SPIN1: variants seen among roughly 807,000 people sequenced by gnomAD.
The protein encoded by SPIN1 is spindlin-1.
SPIN1 carries 3 observed loss-of-function variants against 26.0 expected under a neutral mutation model. That is an observed-to-expected ratio of 0.12 (90% confidence interval 0.05 to 0.30). The LOEUF (loss-of-function observed/expected upper bound fraction) is 0.30. SPIN1 is among the 10% of genes least tolerant of loss of function. The pLI, the probability that SPIN1 is intolerant of heterozygous loss-of-function variation, is 1.00. For synonymous variants in SPIN1, 101 were observed against 116.5 expected (o/e 0.87, Z 0.86); for missense variants, 126 against 333.4 (o/e 0.38, Z 4.84).
rs940028468 is a variant in SPIN1, at chr9:88,426,953, A to G, written c.52+362A>G. 3.3e-5 allele frequency among the ~76,000 whole-genome samples: 5 copies of G among 152,298 alleles called. No homozygotes were observed. In the East Asian group the frequency reaches 9.6e-4, roughly 29 times the overall value. ...CTGAGAGCAACTTTTAGGAAGAAAG[A>G]TAAACTTGGAATTTCTTGTGTTTAC... On this transcript the variant is annotated intron_variant, in intron 2 of 5. Transcript: ENST00000375859.
intron 2 of SPIN1, among the ~76,000 whole-genome samples, chr9:88,432,773 C>T (rs1827908084): frequency 1.3e-5 from 2 of 152,228 alleles, no homozygotes; most frequent in Middle Eastern, 3.4e-3. Context: ...AGGCATGAGC[C>T]ACTGCGCCTG....
intron 1 of SPIN1, among the ~76,000 whole-genome samples, chr9:88,414,063 T>C (rs754280543): frequency 1.8e-4 from 27 of 151,644 alleles, no homozygotes; most frequent in Non-Finnish European, 3.4e-4. Flanking sequence ...GGACCAACCA[T>C]AAGAAGTGAC....
chr9:88,462,007 G>A (rs1828586969), intron 3 of SPIN1, among the ~76,000 whole-genome samples: 1 of 152,150 alleles, frequency 6.6e-6, no homozygotes, highest in Admixed American at 6.5e-5. Flanking sequence ...GCTTGTACAG[G>A]CAGAATTATT....
Position 88,477,519 on chromosome 9 carries a change from G to T in SPIN1, c.*2242G>T, listed in dbSNP as rs1360772863. On this transcript the variant is annotated 3_prime_UTR_variant, in exon 6 of 6. Coordinates refer to ENST00000375859, the MANE Select transcript of SPIN1 (RefSeq NM_006717.3). ...TCATTGTTCATTTATTGCCTTTAGG[G>T]CTGAGGGAAAGGGAAGGTTTGTTTT... 6.6e-6 allele frequency: 1 copy of T among 152,312 alleles called. No individual in the cohort carries two copies. Among genetic ancestry groups the T allele is most frequent in the African/African-American group, 2.4e-5 (1 of 41,416 alleles). 9.4% of individuals were successfully genotyped at this position (152,312 alleles called of 1,614,324 possible).
intron 1 of SPIN1, among the ~76,000 whole-genome samples, chr9:88,394,774 CCTTT>C (rs1827015735): frequency 6.9e-6 from 1 of 145,518 alleles, no homozygotes; most frequent in Non-Finnish European, 1.5e-5. Context: ...TGAAATTCTT[CCTTT>C]AAGAATTGCT....
intron 4 of SPIN1, among the ~76,000 whole-genome samples, chr9:88,466,688 A>G (rs1045981376): frequency 1.3e-5 from 2 of 152,232 alleles, no homozygotes; most frequent in African/African-American, 4.8e-5. Context: ...TGTAACAGAA[A>G]TAGAAGTTTG....
intron 2 of SPIN1, among the ~76,000 whole-genome samples, chr9:88,427,292 T>G (rs1490241442): frequency 1.3e-5 from 2 of 152,170 alleles, no homozygotes; most frequent in Non-Finnish European, 2.9e-5. Flanking sequence ...CTTAAGTGAT[T>G]TAGAACAATT....
chr9:88,428,333 C>A (rs1326719513), intron 2 of SPIN1, among the ~76,000 whole-genome samples: 3 of 152,152 alleles, frequency 2.0e-5, no homozygotes, highest in African/African-American at 7.2e-5. Flanking sequence ...CTTGCTGCGT[C>A]CCTCCTTCCC....
chr9:88,429,655 A>C (rs1445264476), intron 2 of SPIN1, among the ~76,000 whole-genome samples: 3 of 152,180 alleles, frequency 2.0e-5, no homozygotes, highest in African/African-American at 7.2e-5. Flanking sequence ...GTGTTGCGCT[A>C]TCTGGAAGCT....
intron 1 of SPIN1, among the ~76,000 whole-genome samples, chr9:88,408,223 C>A (rs561689936): frequency 4.6e-5 from 7 of 151,348 alleles, no homozygotes; most frequent in African/African-American, 1.7e-4. Flanking sequence ...TCATTAGTTT[C>A]GAAAAGTTGA....
At chr9:88,465,006 GTAT>G (rs1785995022) in intron 4 of SPIN1, among the ~76,000 whole-genome samples, 1 of 152,282 alleles carries the variant, frequency 6.6e-6, no homozygotes, top group Non-Finnish European at 1.5e-5. Context: ...GAATCACACA[GTAT>G]TTGTTTTGTG....
chr9:88,456,350 G>A (rs1478680855), intron 3 of SPIN1, among the ~76,000 whole-genome samples: 1 of 152,144 alleles, frequency 6.6e-6, no homozygotes, highest in Non-Finnish European at 1.5e-5. Context: ...TAGATCTCAA[G>A]CAGATAGGAA....
At chr9:88,439,871 T>C (rs12349862) in intron 2 of SPIN1, among the ~76,000 whole-genome samples, 7,894 of 152,282 alleles carry the variant, frequency 0.052, 661 homozygotes, top group African/African-American at 0.18. Flanking sequence ...TGTATCTTTA[T>C]AGTTAAAGTG....
chr9:88,408,372 T>C (rs1178870800), intron 1 of SPIN1, among the ~76,000 whole-genome samples: 6 of 131,076 alleles, frequency 4.6e-5, no homozygotes, highest in African/African-American at 2.1e-4. Context: ...CTTTTCCTTT[T>C]TTTCTTTTTT....
intron 4 of SPIN1, among the ~76,000 whole-genome samples, chr9:88,468,020 C>G (rs1231963203): frequency 6.6e-6 from 1 of 152,144 alleles, no homozygotes; most frequent in East Asian, 1.9e-4. Flanking sequence ...CAAAATTTAA[C>G]TGTTAAGTAA....
At chr9:88,447,649 A>G (rs895917048) in intron 2 of SPIN1, among the ~76,000 whole-genome samples, 1 of 152,206 alleles carries the variant, frequency 6.6e-6, no homozygotes, top group African/African-American at 2.4e-5. Flanking sequence ...GTGTTAGCCA[A>G]AGACTTAAGA....
chr9:88,467,987 C>G (rs916239325), intron 4 of SPIN1, among the ~76,000 whole-genome samples: 3 of 152,070 alleles, frequency 2.0e-5, no homozygotes, highest in Non-Finnish European at 4.4e-5. Flanking sequence ...TTTTCCAGTT[C>G]TTCTGTAAGT....
intron 2 of SPIN1, among the ~76,000 whole-genome samples, chr9:88,427,804 G>T (rs1827791995): frequency 1.3e-5 from 2 of 151,990 alleles, no homozygotes; most frequent in Admixed American, 6.6e-5. Context: ...TTGCCATGTT[G>T]GCCAGGCCGG....
At chr9:88,432,657 CT>C (rs1222320442) in intron 2 of SPIN1, among the ~76,000 whole-genome samples, 3 of 148,458 alleles carry the variant, frequency 2.0e-5, no homozygotes, top group Non-Finnish European at 4.5e-5. Flanking sequence ...CTAATTTTTT[CT>C]TTTTTCTTTC....
Sources: gnomAD v4.1 joint callset for allele counts (sites outside exome capture counted in the v4.1 genomes callset) on GRCh38, gnomAD v4.1.1 for gene constraint, MANE v1.5 for transcripts, NCBI Gene and HGNC (gene_info 2026-07-23, HGNC 2026-07-21) for gene names.